C2CD3: variants seen among roughly 807,000 people sequenced by gnomAD.
C2CD3 encodes C2 domain-containing protein 3.
In C2CD3, 148 loss-of-function variants were observed where a neutral mutation model predicts 234.0. The ratio of observed to expected loss-of-function variants is 0.63; its 90% CI spans 0.55 to 0.72. C2CD3 has a LOEUF of 0.72. Ranked by LOEUF, C2CD3 falls within the 30% of genes least tolerant of loss-of-function variation. C2CD3 has a pLI of 0.00. For missense variants in C2CD3, 2,577 were observed against 2,811.5 expected (o/e 0.92, Z 1.89); for synonymous variants, 1,000 against 1,035.4 (o/e 0.97, Z 0.66).
intron 2 of C2CD3, chr11:74,164,316 T>G (rs1455403195): frequency 8.3e-6 from 7 of 844,890 alleles, no homozygotes; most frequent in Non-Finnish European, 9.9e-6. Context: ...AGTAGTTCCA[T>G]GCTCCAAACA....
At chr11:74,017,756 G>C (rs1951931696) in intron 32 of C2CD3, among the ~76,000 whole-genome samples, 1 of 152,160 alleles carries the variant, frequency 6.6e-6, no homozygotes, top group Admixed American at 6.5e-5. Context: ...CTCCTTCTCT[G>C]GTCTGCTCCC....
chr11:74,104,692 G>A (rs1319268125), intron 13 of C2CD3, among the ~76,000 whole-genome samples: 1 of 152,146 alleles, frequency 6.6e-6, no homozygotes, highest in Admixed American at 6.5e-5. Flanking sequence ...TGAATTTAAA[G>A]AACAGAAGTG....
At chr11:74,122,242 T>C (rs1957242028) in intron 8 of C2CD3, among the ~76,000 whole-genome samples, 1 of 152,194 alleles carries the variant, frequency 6.6e-6, no homozygotes, top group Admixed American at 6.6e-5. Context: ...AACACTATCT[T>C]TCAATCTCAG....
intron 19 of C2CD3, chr11:74,091,181 T>C (rs904623003): frequency 4.5e-5 from 17 of 380,514 alleles, no homozygotes; most frequent in African/African-American, 3.3e-4. Flanking sequence ...TTGCCAAGAT[T>C]ACACAACTAC....
intron 32 of C2CD3, chr11:74,016,681 GACTGCT>G (rs1951890769): frequency 6.6e-6 from 1 of 152,256 alleles, no homozygotes; most frequent in Non-Finnish European, 1.5e-5. Context: ...CCTTCATCAG[GACTGCT>G]ACCCTAACAC....
chr11:74,078,102 G>T lies in C2CD3; in HGVS notation c.4603+13C>A. ...GCTCAAACTACAAGAGTTGAATCAG[G>T]CTCCTCACTTACCACTGACAGTTAG... On this transcript the variant is annotated intron_variant, in intron 23 of 32. Coordinates refer to ENST00000334126, the MANE Select transcript of C2CD3 (RefSeq NM_001286577.2). The T allele has an allele frequency of 6.2e-7, 1 of 1,606,388 alleles. No homozygotes were observed. The highest frequency in any genetic ancestry group is 8.5e-7 in the Non-Finnish European group (1 of 1,176,282).
Position 74,093,927 on chromosome 11 carries a change from T to C in C2CD3, c.3233A>G (p.His1078Arg). 4 of 1,613,974 alleles carry C rather than the reference T, an allele frequency of 2.5e-6. No homozygotes were observed. The highest frequency in any genetic ancestry group is 3.4e-6 in the Non-Finnish European group (4 of 1,179,812). The change falls in exon 18 of 33, where the codon CAT becomes CGT. Residue 1078 changes from histidine to arginine, a missense_variant. Physicochemically the swap from His to Arg is conservative, Grantham distance 29 (BLOSUM62 0). Coordinates refer to ENST00000334126, the MANE Select transcript of C2CD3 (RefSeq NM_001286577.2). ...CTCAGCTGGCAACAGGAGAGAGTGATGGTGTTCACTATTAAAGATGGGATC... is the reference window on the plus strand; with the variant it reads ...CTCAGCTGGCAACAGGAGAGAGTGACGGTGTTCACTATTAAAGATGGGATC... Reference protein sequence around the residue: ...VPDPIFNSEHHHSLLLPAEVP... With the variant: ...VPDPIFNSEHRHSLLLPAEVP...
At chr11:74,074,637 A>C in intron 23 of C2CD3, 37 bp from the exon 24 acceptor site, 1 of 1,526,746 alleles carries the variant, frequency 6.5e-7, no homozygotes, top group Non-Finnish European at 8.9e-7. Context: ...CTAGTCAAGC[A>C]GGAACCAAGA....
intron 11 of C2CD3, among the ~76,000 whole-genome samples, chr11:74,111,781 T>G (rs1379541781): frequency 6.6e-6 from 1 of 151,950 alleles, no homozygotes; most frequent in Non-Finnish European, 1.5e-5. Context: ...TGTAAGATTT[T>G]TTTGCGATTT....
At chr11:74,124,372 C>T (rs1008009226) in intron 7 of C2CD3, among the ~76,000 whole-genome samples, 1 of 152,142 alleles carries the variant, frequency 6.6e-6, no homozygotes, top group Non-Finnish European at 1.5e-5. Context: ...CCCTTCCTCA[C>T]CTTTCCTTAG....
Position 74,092,478 on chromosome 11 carries a change from G to A in C2CD3, c.3455C>T (p.Thr1152Ile). ...CCTGGGGGTTAAAGGGAGATTAAAG[G>A]TCTGTATTCCCACATCCTCACGATG... ...TQHREDVGIQ[T>I]FNLPLTPRIE... Residue 1152 changes from threonine to isoleucine, a missense_variant, in exon 19 of 33, where the codon ACC becomes ATC. Transcript: ENST00000334126. 1 of 1,613,754 alleles carries A rather than the reference G, an allele frequency of 6.2e-7. No individual in the cohort carries two copies. The highest frequency in any genetic ancestry group is 1.1e-5 in the South Asian group (1 of 91,076).
At position 74,161,881 on chromosome 11, in the gene C2CD3, T is replaced by C. The variant is rs1052415083; in HGVS notation, c.326-325A>G. Reference sequence around the variant, plus strand: ...CCCAGGCTGGAGTGCACTGGCACAATCATAGTTCACTGCAACCTCGAACTC... The same window carrying C: ...CCCAGGCTGGAGTGCACTGGCACAACCATAGTTCACTGCAACCTCGAACTC... On this transcript the variant is annotated intron_variant, in intron 2 of 32. Coordinates refer to ENST00000334126, the MANE Select transcript of C2CD3 (RefSeq NM_001286577.2). 3.4e-5 allele frequency among the ~76,000 whole-genome samples: 5 copies of C among 147,064 alleles called. No homozygotes were observed. The Admixed American group carries it at 3.5e-4, about 10-fold the overall frequency.
chr11:74,075,811 G>A (rs1481472007), intron 23 of C2CD3, among the ~76,000 whole-genome samples: 1 of 152,174 alleles, frequency 6.6e-6, no homozygotes, highest in Non-Finnish European at 1.5e-5. Context: ...CTTATCCTCA[G>A]GAAAATGAAT....
rs535730474 is a variant in C2CD3, at chr11:74,161,499, C to T, written c.383G>A (p.Arg128Lys). ...TTGAGCTAGTCCATTGATCTGAACTCTACCAATTGGAAGACCATCAAGTTT... is the reference window on the plus strand; with the variant it reads ...TTGAGCTAGTCCATTGATCTGAACTTTACCAATTGGAAGACCATCAAGTTT... ...ITKLDGLPIG[R>K]VQINGLAQLS... Residue 128 changes from arginine (R) to lysine (K), a missense_variant, in exon 3 of 33, where the codon AGA becomes AAA. Physicochemically the swap from Arg to Lys is conservative, Grantham distance 26. Transcript: ENST00000334126. 1.3e-4 allele frequency: 209 copies of T among 1,597,748 alleles called. No homozygotes were observed. The South Asian group carries it at 2.2e-3, about 17-fold the overall frequency.
chr11:74,036,535 T>A (rs1287570681), intron 30 of C2CD3: 1 of 455,872 alleles, frequency 2.2e-6, no homozygotes, highest in Non-Finnish European at 4.4e-6. Context: ...AATCAAGGTG[T>A]TTTTCTCTCC....
intron 16 of C2CD3, among the ~76,000 whole-genome samples, chr11:74,097,712 T>C (rs553975684): frequency 6.6e-6 from 1 of 152,338 alleles, no homozygotes; most frequent in Admixed American, 6.5e-5. Flanking sequence ...TTGGGATCAC[T>C]CTCCACTCCC....
At chr11:74,138,561 G>A (rs762868240) in intron 5 of C2CD3, among the ~76,000 whole-genome samples, 159 bp downstream of exon 5, 1 of 152,158 alleles carries the variant, frequency 6.6e-6, no homozygotes, top group Non-Finnish European at 1.5e-5. Flanking sequence ...TAATACGGCT[G>A]TCTTTAAATG....
At chr11:74,013,679 T>A (rs1310536885) in intron 32 of C2CD3, among the ~76,000 whole-genome samples, 154 bp from the exon 33 acceptor site, 1 of 152,210 alleles carries the variant, frequency 6.6e-6, no homozygotes, top group Non-Finnish European at 1.5e-5. Context: ...GCTTGACCCT[T>A]ACCTCAACCC....
chr11:74,071,605 G>A (rs1453137391), intron 24 of C2CD3, among the ~76,000 whole-genome samples: 1 of 152,158 alleles, frequency 6.6e-6, no homozygotes, highest in Non-Finnish European at 1.5e-5. Flanking sequence ...AATCCTGCTC[G>A]TGGCAAGGAT....
Sources: gnomAD v4.1 joint callset for allele counts (sites outside exome capture counted in the v4.1 genomes callset) on GRCh38, gnomAD v4.1.1 for gene constraint, MANE v1.5 for transcripts, NCBI Gene and HGNC (gene_info 2026-07-23, HGNC 2026-07-21) for gene names.